GALNT15: variants seen among roughly 807,000 people sequenced by gnomAD.
The protein encoded by GALNT15 is polypeptide N-acetylgalactosaminyltransferase 15.
A neutral mutation model predicts 66.8 loss-of-function variants in GALNT15; 67 were observed. The observed-to-expected ratio is 1.00, with a 90% CI of 0.82 to 1.23. The LOEUF (loss-of-function observed/expected upper bound fraction) is 1.23, where lower values mean the gene tolerates loss of function less well. GALNT15 is among the 50% of genes most tolerant of loss of function. GALNT15 has a pLI of 0.00. For missense variants in GALNT15, 827 were observed against 804.3 expected, an observed-to-expected ratio of 1.03 and a Z score of -0.34; for synonymous variants, 313 against 311.5, an observed-to-expected ratio of 1.00 and a Z score of -0.05.
intron 6 of GALNT15, among the ~76,000 whole-genome samples, chr3:16,214,168 G>A (rs1474031749): frequency 6.6e-6 from 1 of 152,278 alleles, no homozygotes; most frequent in Middle Eastern, 3.4e-3. Flanking sequence ...GAAGGCATTG[G>A]GATTGAAAGG....
chr3:16,247,438 T>C, the GALNT15 span, among the ~76,000 whole-genome samples: 2 of 152,238 alleles, frequency 1.3e-5, no homozygotes, highest in Non-Finnish European at 2.9e-5. Context: ...CATGATGCCT[T>C]TGCCGTCTGC....
At position 16,211,351 on chromosome 3, in the gene GALNT15, G is replaced by A; in HGVS notation, c.1197+110G>A. 1 of 720,844 alleles carries A rather than the reference G, an allele frequency of 1.4e-6. No homozygotes were observed. The highest frequency in any genetic ancestry group is 2.5e-6 in the Non-Finnish European group (1 of 406,442). 44.7% of individuals were successfully genotyped at this position (720,844 alleles called of 1,614,324 possible). A position where few individuals can be genotyped will look rare whatever the true frequency, so the allele number is the denominator to read the frequency against. Reference sequence around the variant, plus strand: ...TCACTGGGAAGGAATGAGGCTGTGGGAAAATTATAAAGTCATTCCTGTGTT... The same window carrying A: ...TCACTGGGAAGGAATGAGGCTGTGGAAAAATTATAAAGTCATTCCTGTGTT... On this transcript the variant is annotated intron_variant, in intron 5 of 9. Coordinates refer to ENST00000339732, the MANE Select transcript of GALNT15 (RefSeq NM_054110.5). This position sits in a 1 kb window ranked among gnomAD's most constrained non-coding sequence, Gnocchi z 4.3.
chr3:16,215,906 C>CAAAAAAAAAAAACAAAAAAA (rs1559690416), intron 6 of GALNT15, among the ~76,000 whole-genome samples: 2 of 102,634 alleles, frequency 1.9e-5, no homozygotes, highest in Non-Finnish European at 4.0e-5. Flanking sequence ...GAGACTCCGC[C>CAAAAAAAAAAAACAAAAAAA]AAAAAAAAAA....
the GALNT15 span, among the ~76,000 whole-genome samples, chr3:16,242,209 G>A: frequency 1.3e-5 from 2 of 152,198 alleles, no homozygotes; most frequent in Admixed American, 1.3e-4. The surrounding 1 kb of genome is among the most constrained non-coding windows in gnomAD (Gnocchi z 5.6). Flanking sequence ...GCTCAGGGAG[G>A]AGGGGAAGCA....
chr3:16,225,013 C>A lies in GALNT15; in HGVS notation c.1773+2255C>A, dbSNP rs1160292263. On this transcript the variant is annotated intron_variant, in intron 9 of 9. Coordinates refer to ENST00000339732, the MANE Select transcript of GALNT15 (RefSeq NM_054110.5). This position sits in a 1 kb window ranked among gnomAD's most constrained non-coding sequence, Gnocchi z 4.4. Reference sequence around the variant, plus strand: ...TATAAGAAAAAAGGTGTAATTGGCTCATGGTTCTGCAGGCTGTATAGGAAG... The same window carrying A: ...TATAAGAAAAAAGGTGTAATTGGCTAATGGTTCTGCAGGCTGTATAGGAAG... Among the ~76,000 whole-genome samples the A allele has an allele frequency of 6.6e-6, 1 of 152,134 alleles. No individual in the cohort carries two copies. The highest frequency in any genetic ancestry group is 2.4e-5 in the African/African-American group (1 of 41,398).
At chr3:16,222,190 GA>G (rs2063949364) in intron 8 of GALNT15, among the ~76,000 whole-genome samples, 1 of 152,184 alleles carries the variant, frequency 6.6e-6, no homozygotes, top group South Asian at 2.1e-4. Flanking sequence ...CAATAACCAT[GA>G]GTGAGAGCCA....
the GALNT15 span, among the ~76,000 whole-genome samples, chr3:16,241,802 C>A: frequency 6.6e-6 from 1 of 152,184 alleles, no homozygotes; most frequent in Admixed American, 6.5e-5. The surrounding 1 kb of genome is among the most constrained non-coding windows in gnomAD (Gnocchi z 4.6). Context: ...CTCACCTCGG[C>A]CTCCCAAAGT....
At chr3:16,223,318 G>A (rs1455692163) in intron 9 of GALNT15, among the ~76,000 whole-genome samples, 1 of 152,212 alleles carries the variant, frequency 6.6e-6, no homozygotes, top group Non-Finnish European at 1.5e-5. Context: ...TAGGAGGAAT[G>A]TCCGTACTTA....
intron 9 of GALNT15, among the ~76,000 whole-genome samples, chr3:16,226,399 GAA>G (rs59236720): frequency 6.6e-6 from 1 of 151,218 alleles, no homozygotes; most frequent in Middle Eastern, 3.4e-3. Context: ...GGTAGTTTAT[GAA>G]AAAAAAAGAG....
At position 16,227,643 on chromosome 3, in the gene GALNT15, T is replaced by C; in HGVS notation, c.*143T>C. ...GAGAGAAAAAAGCTCTATGAAAGAA[T>C]ATAGGAAGTTTCTCCTTTTCACACC... On this transcript the variant is annotated 3_prime_UTR_variant, in exon 10 of 10. Transcript: ENST00000339732. The surrounding 1 kb of genome is among the most constrained non-coding windows in gnomAD (Gnocchi z 4.5). 1.3e-6 allele frequency: 2 copies of C among 1,482,538 alleles called. No individual in the cohort carries two copies. Among genetic ancestry groups the C allele is most frequent in the Non-Finnish European group, 1.8e-6 (2 of 1,127,406 alleles). 91.8% of individuals were successfully genotyped at this position (1,482,538 alleles called of 1,614,324 possible). A position where few individuals can be genotyped will look rare whatever the true frequency, so the allele number is the denominator to read the frequency against.
chr3:16,232,694 G>A (rs934848881), downstream of GALNT15, among the ~76,000 whole-genome samples: 2 of 150,864 alleles, frequency 1.3e-5, no homozygotes, highest in African/African-American at 2.4e-5. Flanking sequence ...TATTTGATCC[G>A]CTGGCTCCAG....
At chr3:16,185,835 T>C (rs1296120759) in intron 1 of GALNT15, among the ~76,000 whole-genome samples, 2 of 152,182 alleles carry the variant, frequency 1.3e-5, no homozygotes, top group African/African-American at 4.8e-5. Context: ...GCCGTGTAAC[T>C]TTAAACAGGT....
Position 16,204,205 on chromosome 3 carries a change from C to T in GALNT15, c.911+3382C>T, listed in dbSNP as rs761377180. 6.6e-6 allele frequency among the ~76,000 whole-genome samples: 1 copy of T among 152,148 alleles called. No homozygotes were observed. The highest frequency in any genetic ancestry group is 1.5e-5 in the Non-Finnish European group (1 of 68,014). The stretch of plus-strand genomic sequence containing the variant: ...TTCCCTGTCCCTGCCTAGCAGGTTC[C>T]CACTAGCCATGTGGCAACTTTATTT... On this transcript the variant is annotated intron_variant, in intron 3 of 9. Transcript: ENST00000339732. The surrounding 1 kb of genome is among the most constrained non-coding windows in gnomAD (Gnocchi z 4.5).
At chr3:16,232,817 G>A (rs1272508708), downstream of GALNT15, among the ~76,000 whole-genome samples, 1 of 151,620 alleles carries the variant, frequency 6.6e-6, no homozygotes, top group East Asian at 2.0e-4. Flanking sequence ...AATCACGTGG[G>A]GACCATGTTA....
In GALNT15 at chr3:16,180,710, A is replaced by G. The variant is rs2063460851; in HGVS notation, c.539+5020A>G. Among the ~76,000 whole-genome samples, 1 of 152,254 alleles carries G rather than the reference A, an allele frequency of 6.6e-6. No individual in the cohort carries two copies. Among genetic ancestry groups the G allele is most frequent in the South Asian group, 2.1e-4 (1 of 4,838 alleles). ...CAATACTAGAGTCAGAAAATAGAAA[A>G]GAGAGCAGAGAGGAACAGGCTCCCT... is the stretch of plus-strand genomic sequence containing the variant. On this transcript the variant is annotated intron_variant, in intron 1 of 9. Coordinates refer to ENST00000339732, the MANE Select transcript of GALNT15 (RefSeq NM_054110.5). The surrounding 1 kb of genome is among the most constrained non-coding windows in gnomAD (Gnocchi z 5.0).
chr3:16,222,987 C>G (rs1434545198), intron 9 of GALNT15, among the ~76,000 whole-genome samples: 3 of 152,132 alleles, frequency 2.0e-5, no homozygotes, highest in Non-Finnish European at 4.4e-5. Context: ...CTCTGTGTAG[C>G]TCTGATGCTT....
Position 16,193,830 on chromosome 3 carries a change from G to A in GALNT15, c.540-1930G>A, listed in dbSNP as rs1313325942. On this transcript the variant is annotated intron_variant, in intron 1 of 9. Coordinates refer to ENST00000339732, the MANE Select transcript of GALNT15 (RefSeq NM_054110.5). This position sits in a 1 kb window ranked among gnomAD's most constrained non-coding sequence, Gnocchi z 4.7. ...TCTGAGGAGGAACATAGTTTGAGCA[G>A]CAGCTGCAACTCAGAAAGAGGCTCT... 1.3e-5 allele frequency among the ~76,000 whole-genome samples: 2 copies of A among 152,198 alleles called. No individual in the cohort carries two copies. The highest frequency in any genetic ancestry group is 4.8e-5 in the African/African-American group (2 of 41,472).
At chr3:16,210,120 G>A (rs1049344946) in intron 4 of GALNT15, among the ~76,000 whole-genome samples, 10 of 152,118 alleles carry the variant, frequency 6.6e-5, no homozygotes, top group African/African-American at 1.4e-4. Context: ...TCCAGTGAGC[G>A]TTTAAAATGT....
downstream of GALNT15, chr3:16,231,700 C>A: frequency 1.1e-6 from 1 of 942,638 alleles, no homozygotes; most frequent in South Asian, 1.5e-5. This position sits in a 1 kb window ranked among gnomAD's most constrained non-coding sequence, Gnocchi z 4.1. Context: ...GTTCAGCTAG[C>A]TCATAGTCAA....
Sources: gnomAD v4.1 joint callset for allele counts (sites outside exome capture counted in the v4.1 genomes callset) on GRCh38, gnomAD v4.1.1 for gene constraint, Gnocchi (gnomAD v3.1) non-coding constraint, MANE v1.5 for transcripts, NCBI Gene and HGNC (gene_info 2026-07-23, HGNC 2026-07-21) for gene names.